The following RNF213 variants were observed in gnomAD, a reference collection of about 807,000 sequenced individuals.
RNF213 encodes E3 ubiquitin-protein ligase RNF213.
RNF213 carries 341 observed loss-of-function variants against 514.4 expected under a neutral mutation model. That is an observed-to-expected ratio of 0.66 (90% confidence interval 0.61 to 0.73). The LOEUF (loss-of-function observed/expected upper bound fraction) is 0.73, where lower values mean the gene tolerates loss of function less well. Among genes scored for constraint, RNF213 ranks in the 30% least tolerant of loss-of-function variants. The pLI is 0.00. For synonymous variants in RNF213, 2,655 were observed against 2,658.2 expected, an observed-to-expected ratio of 1.00 and a Z score of 0.04; for missense variants, 5,767 against 6,615.6, an observed-to-expected ratio of 0.87 and a Z score of 4.45.
intron 8 of RNF213, chr17:80,292,154 G>A (rs988582969): frequency 3.5e-5 from 14 of 398,212 alleles, no homozygotes; most frequent in African/African-American, 1.6e-4. Context: ...GTGCGATCTC[G>A]GCTCACTGCA....
chr17:80,326,980 T>G (rs1029836094), intron 18 of RNF213, among the ~76,000 whole-genome samples: 1 of 152,198 alleles, frequency 6.6e-6, no homozygotes, highest in Non-Finnish European at 1.5e-5. Context: ...CCCTCTAAAT[T>G]TATCATAAAA....
chr17:80,317,536 C>T lies in RNF213; in HGVS notation c.2901+259C>T, dbSNP rs771254197. Reference sequence around the variant, plus strand: ...GGGGGTGCGGGATTTTTCCTGACCCCTTCGTTGGACTTGCGACAGGGATGC... The same window carrying T: ...GGGGGTGCGGGATTTTTCCTGACCCTTTCGTTGGACTTGCGACAGGGATGC... On this transcript the variant is annotated intron_variant, in intron 16 of 67. Coordinates refer to ENST00000582970, the MANE Select transcript of RNF213 (RefSeq NM_001256071.3). This position sits in a 1 kb window ranked among gnomAD's most constrained non-coding sequence, Gnocchi z 4.1. Among the ~76,000 whole-genome samples the T allele has an allele frequency of 3.3e-5, 5 of 152,168 alleles. No homozygotes were observed. The highest frequency in any genetic ancestry group is 7.3e-5 in the Non-Finnish European group (5 of 68,036).
chr17:80,278,357 G>C (rs2044144119), intron 3 of RNF213, among the ~76,000 whole-genome samples: 1 of 152,240 alleles, frequency 6.6e-6, no homozygotes, highest in Non-Finnish European at 1.5e-5. Flanking sequence ...GGGTGCCCGG[G>C]CCTGCCTATA....
chr17:80,379,170 A>T (rs1417363395), intron 54 of RNF213, among the ~76,000 whole-genome samples: 1 of 152,174 alleles, frequency 6.6e-6, no homozygotes, highest in Non-Finnish European at 1.5e-5. Flanking sequence ...TCCAGCCTGG[A>T]GGACAGAGCG....
chr17:80,290,414 C>CGG (rs2044663077), intron 6 of RNF213, among the ~76,000 whole-genome samples, 156 bp from the exon 7 acceptor site: 1 of 146,602 alleles, frequency 6.8e-6, no homozygotes, highest in African/African-American at 2.5e-5. Flanking sequence ...TGTGTGTGTG[C>CGG]GTGTGTGCGA....
In RNF213 at chr17:80,379,612, C is replaced by T. The variant is rs1314828832; in HGVS notation, c.13546-8C>T. 11 of 1,613,584 alleles carry T rather than the reference C, an allele frequency of 6.8e-6. No homozygotes were observed. Among genetic ancestry groups the T allele is most frequent in the Non-Finnish European group, 9.3e-6 (11 of 1,179,588 alleles). ...AGAAGTGGTTCTAGTGCCCTGTCTT[C>T]ACCCTAGTGTGGCAGGCCGATGGAA... On this transcript the variant is annotated splice_polypyrimidine_tract_variant and splice_region_variant and intron_variant, in intron 54 of 67. Coordinates refer to ENST00000582970, the MANE Select transcript of RNF213 (RefSeq NM_001256071.3).
rs539741612 is a variant in RNF213, at chr17:80,382,965, G to T, written c.13979-14G>T. Reference sequence around the variant, plus strand: ...GTGCCTTGGGTAACCTACACATTTGGAGTTTTTTTGTAGGGCTTTTAAATT... The same window carrying T: ...GTGCCTTGGGTAACCTACACATTTGTAGTTTTTTTGTAGGGCTTTTAAATT... On this transcript the variant is annotated splice_polypyrimidine_tract_variant and intron_variant, in intron 57 of 67. Coordinates refer to ENST00000582970, the MANE Select transcript of RNF213 (RefSeq NM_001256071.3). 42 of 1,578,244 alleles carry T rather than the reference G, an allele frequency of 2.7e-5. No individual in the cohort carries two copies. In the East Asian group the frequency reaches 6.7e-4, roughly 25 times the overall value.
intron 65 of RNF213, 52 bp downstream of exon 65, chr17:80,389,419 T>C (rs2144661531): frequency 6.5e-7 from 1 of 1,536,514 alleles, no homozygotes; most frequent in Non-Finnish European, 9.0e-7. Context: ...CCTGGTCTCC[T>C]GCTTCCCGCG....
Position 80,345,846 on chromosome 17 carries a change from A to G in RNF213, c.7511A>G (p.Asp2504Gly). 6.2e-7 allele frequency: 1 copy of G among 1,614,126 alleles called. No individual in the cohort carries two copies. The highest frequency in any genetic ancestry group is 8.5e-7 in the Non-Finnish European group (1 of 1,180,040). The change falls in exon 29 of 68, where the codon GAT becomes GGT. Residue 2504 changes from aspartate (D) to glycine (G), a missense_variant. Physicochemically the swap from Asp to Gly is moderately conservative, Grantham distance 94 (BLOSUM62 -1). Around this residue, in one of 13 missense-constraint regions of RNF213, gnomAD observed 1,377 missense variants for 1,635.2 expected, o/e 0.84. Coordinates refer to ENST00000582970, the MANE Select transcript of RNF213 (RefSeq NM_001256071.3). This position sits in a 1 kb window ranked among gnomAD's most constrained non-coding sequence, Gnocchi z 6.0. ...AGCTGTATCAAAGAAGTCCTGTGTG[A>G]TCATATGGTGGATGGCCAGCCTCTG... ...AISCIKEVLC[D>G]HMVDGQPLAE...
In RNF213 at chr17:80,373,768, A is replaced by G. The variant is rs551165869; in HGVS notation, c.12942+603A>G. Among the ~76,000 whole-genome samples the G allele has an allele frequency of 1.7e-4, 26 of 152,190 alleles. No homozygotes were observed. In the South Asian group the frequency reaches 5.2e-3, roughly 30 times the overall value. On this transcript the variant is annotated intron_variant, in intron 49 of 67. Coordinates refer to ENST00000582970, the MANE Select transcript of RNF213 (RefSeq NM_001256071.3). ...TTCCAGCACTTTGGGAGGCCGAGGC[A>G]GGCGGATCACTTGTGGTCAGGAGTT... is the stretch of plus-strand genomic sequence containing the variant.
At chr17:80,383,635 T>C (rs768604506) in intron 58 of RNF213, 42 bp from the exon 59 acceptor site, 3 of 1,609,158 alleles carry the variant, frequency 1.9e-6, no homozygotes, top group Non-Finnish European at 2.6e-6. Context: ...TTTGTAGCAA[T>C]ACCTCACTTC....
At chr17:80,314,355 C>G (rs1348273798) in intron 15 of RNF213, among the ~76,000 whole-genome samples, 1 of 4,920 alleles carries the variant, frequency 2.0e-4, no homozygotes, top group Admixed American at 1.5e-3. Context: ...GGTGGAGGTA[C>G]TGGAGGTGAT....
In RNF213 at chr17:80,345,943, C is replaced by T; in HGVS notation, c.7608C>T (p.Cys2536=). ...PYRKHSEEMI[C]RLESAGLGYR... is the part of the protein sequence containing the mutation. ...GGAAGCACTCTGAGGAGATGATCTGCCGTTTGGAGTCAGCTGGTTTGGGCT... is the reference window on the plus strand; with the variant it reads ...GGAAGCACTCTGAGGAGATGATCTGTCGTTTGGAGTCAGCTGGTTTGGGCT... The change falls in exon 29 of 68, where the codon TGC becomes TGT. Residue 2536 remains cysteine, a synonymous_variant. Coordinates refer to ENST00000582970, the MANE Select transcript of RNF213 (RefSeq NM_001256071.3). The surrounding 1 kb of genome is among the most constrained non-coding windows in gnomAD (Gnocchi z 6.0). The T allele has an allele frequency of 6.2e-7, 1 of 1,614,168 alleles. No homozygotes were observed. Among genetic ancestry groups the T allele is most frequent in the Non-Finnish European group, 8.5e-7 (1 of 1,180,032 alleles).
rs1441432246 is a variant in RNF213 at position 80,261,235 on chromosome 17, G to A, written c.-109+333G>A. Reference sequence around the variant, plus strand: ...TGCCCCCGGGAAGTGGCCGGGGCACGGGGGGTGTAGTGGAAGGGGACAGCC... The same window carrying A: ...TGCCCCCGGGAAGTGGCCGGGGCACAGGGGGTGTAGTGGAAGGGGACAGCC... On this transcript the variant is annotated intron_variant, in intron 1 of 67. Coordinates refer to ENST00000582970, the MANE Select transcript of RNF213 (RefSeq NM_001256071.3). Among the ~76,000 whole-genome samples the A allele has an allele frequency of 3.9e-5, 6 of 152,180 alleles. No individual in the cohort carries two copies. In the East Asian group the frequency reaches 9.6e-4, roughly 24 times the overall value.
At chr17:80,331,825 T>C (rs933120257) in intron 20 of RNF213, among the ~76,000 whole-genome samples, 181 bp from the exon 21 acceptor site, 3 of 152,250 alleles carry the variant, frequency 2.0e-5, no homozygotes, top group African/African-American at 7.2e-5. Context: ...TCATGAATAT[T>C]GGTTAACAAG....
In RNF213 at chr17:80,343,333, C is replaced by T. The variant is rs1193145208; in HGVS notation, c.6183+8C>T. On this transcript the variant is annotated splice_region_variant and intron_variant, in intron 27 of 67. Transcript: ENST00000582970. This position sits in a 1 kb window ranked among gnomAD's most constrained non-coding sequence, Gnocchi z 4.3. The stretch of plus-strand genomic sequence containing the variant: ...CTGGACGTGACCTCCTCAGTAAGTG[C>T]CCTCCAGCGTCAGCCGATGGCCACA... 1.9e-6 allele frequency: 3 copies of T among 1,609,624 alleles called. No individual in the cohort carries two copies. Among genetic ancestry groups the T allele is most frequent in the Admixed American group, 1.7e-5 (1 of 59,822 alleles).
chr17:80,307,329 ACTTCT>A (rs2045399771), intron 13 of RNF213, 128 bp downstream of exon 13: 1 of 726,432 alleles, frequency 1.4e-6, no homozygotes, highest in South Asian at 1.5e-5. Flanking sequence ...TATGTGGCCC[ACTTCT>A]CTTCTCAGGT....
intron 44 of RNF213, among the ~76,000 whole-genome samples, chr17:80,368,736 G>A (rs183153139): frequency 3.3e-5 from 5 of 152,210 alleles, no homozygotes; most frequent in East Asian, 1.9e-4. Context: ...CCTGGCCGAC[G>A]CCACTGGTTT....
chr17:80,386,331 G>GGGGCCT lies in RNF213; in HGVS notation c.14628_14633dup (p.Gly4877_Leu4878dup). 6 of 1,614,028 alleles carry GGGGCCT rather than the reference G, an allele frequency of 3.7e-6. No homozygotes were observed. Among genetic ancestry groups the GGGGCCT allele is most frequent in the South Asian group, 1.1e-5 (1 of 91,090 alleles). ...TTTGAGATCCTCTTGCCACGCCGAC[G>GGGGCCT]GGGCCTGGGCCTCTGTGCTACCGCT... On this transcript the variant is annotated inframe_insertion, in exon 62 of 68. Coordinates refer to ENST00000582970, the MANE Select transcript of RNF213 (RefSeq NM_001256071.3).
Sources: allele counts gnomAD v4.1 joint callset (sites outside exome capture counted in the v4.1 genomes callset), GRCh38; gene constraint gnomAD v4.1.1; regional missense constraint gnomAD v4.1.1; non-coding constraint Gnocchi (gnomAD v3.1); transcripts MANE v1.5; gene names NCBI Gene and HGNC (gene_info 2026-07-23, HGNC 2026-07-21).